FNTB: variants seen among roughly 807,000 people sequenced by gnomAD.
FNTB encodes farnesyltransferase, CAAX box, subunit beta.
Under a neutral mutation model 59.4 loss-of-function variants are expected in FNTB, and 27 were observed. The observed-to-expected ratio is 0.45, with a 90% CI of 0.34 to 0.63. The LOEUF is 0.63. Ranked by LOEUF, FNTB falls within the 20% of genes least tolerant of loss-of-function variation. The pLI is 0.02. For missense variants in FNTB, 449 were observed against 559.6 expected (o/e 0.80, Z 1.99); for synonymous variants, 230 against 220.7 (o/e 1.04, Z -0.37).
rs559326025 is a variant in FNTB at position 65,009,361 on chromosome 14, C to T, written c.210-2956C>T. Among the ~76,000 whole-genome samples the T allele has an allele frequency of 6.6e-6, 1 of 151,310 alleles. No homozygotes were observed. The highest frequency in any genetic ancestry group is 1.9e-4 in the East Asian group (1 of 5,180). On this transcript the variant is annotated intron_variant, in intron 2 of 11. Transcript: ENST00000246166. The surrounding 1 kb of genome is among the most constrained non-coding windows in gnomAD (Gnocchi z 4.2). ...ATTTCACTGGCGCTTCACTAACTGCCTTATAATCCTTTTATTCGTCTCATG... is the reference window on the plus strand; with the variant it reads ...ATTTCACTGGCGCTTCACTAACTGCTTTATAATCCTTTTATTCGTCTCATG...
At position 65,032,544 on chromosome 14, in the gene FNTB, G is replaced by C; in HGVS notation, c.606-66G>C. 1 of 1,579,116 alleles carries C rather than the reference G, an allele frequency of 6.3e-7. No homozygotes were observed. The highest frequency in any genetic ancestry group is 1.4e-5 in the African/African-American group (1 of 73,990). ...TAGGCAAGGCGAGCAGTCCGCCCGC[G>C]GAGTTCACTGAGCCTCATTAGCTCT... On this transcript the variant is annotated intron_variant, in intron 6 of 11. Transcript: ENST00000246166. The surrounding 1 kb of genome is among the most constrained non-coding windows in gnomAD (Gnocchi z 5.0).
chr14:65,046,920 A>G (rs1240342878), intron 9 of FNTB, among the ~76,000 whole-genome samples: 1 of 152,208 alleles, frequency 6.6e-6, no homozygotes, highest in African/African-American at 2.4e-5. Flanking sequence ...AGACAACAAA[A>G]GTTATTTTAC....
At chr14:65,051,507 AGG>A (rs2062609417) in intron 9 of FNTB, among the ~76,000 whole-genome samples, 1 of 151,848 alleles carries the variant, frequency 6.6e-6, no homozygotes. Flanking sequence ...GCTACTCGGG[AGG>A]CTGAGGCAGG....
chr14:65,056,133 T>G (rs2062731836), intron 11 of FNTB, among the ~76,000 whole-genome samples: 1 of 152,266 alleles, frequency 6.6e-6, no homozygotes, highest in Non-Finnish European at 1.5e-5. Flanking sequence ...GTTGCTTGCA[T>G]GTTTTCAAAC....
chr14:65,042,360 T>C (rs1026665546), intron 8 of FNTB, among the ~76,000 whole-genome samples: 3 of 152,120 alleles, frequency 2.0e-5, no homozygotes, highest in Admixed American at 6.6e-5. Flanking sequence ...ACAGTCCCAT[T>C]TGGGGGTGAT....
At chr14:64,989,819 G>A (rs887430806) in intron 1 of FNTB, among the ~76,000 whole-genome samples, 1 of 152,196 alleles carries the variant, frequency 6.6e-6, no homozygotes, top group Non-Finnish European at 1.5e-5. Flanking sequence ...GGCCAATGAG[G>A]CAGTCAATTA....
intron 7 of FNTB, among the ~76,000 whole-genome samples, chr14:65,034,846 G>A (rs979490508): frequency 6.6e-6 from 1 of 152,184 alleles, no homozygotes; most frequent in Non-Finnish European, 1.5e-5. Context: ...GTTGTGTTGT[G>A]TCCTAGACAT....
chr14:65,011,688 A>C lies in FNTB; in HGVS notation c.210-629A>C, dbSNP rs534531016. ...CTTTGCCCGGCCTGTGCAGGTGGCC[A>C]TGGGCGGCACATTCCATCTTAAAGC... On this transcript the variant is annotated intron_variant, in intron 2 of 11. Transcript: ENST00000246166. The surrounding 1 kb of genome is among the most constrained non-coding windows in gnomAD (Gnocchi z 4.0). Among the ~76,000 whole-genome samples the C allele has an allele frequency of 2.4e-4, 36 of 152,358 alleles. No homozygotes were observed. Among genetic ancestry groups the C allele is most frequent in the African/African-American group, 8.7e-4 (36 of 41,590 alleles).
Position 65,031,963 on chromosome 14 carries a change from C to T in FNTB, c.606-647C>T, listed in dbSNP as rs2062093609. Among the ~76,000 whole-genome samples the T allele has an allele frequency of 1.4e-5, 2 of 146,754 alleles. No individual in the cohort carries two copies. The highest frequency in any genetic ancestry group is 6.8e-5 in the Admixed American group (1 of 14,738). Reference sequence around the variant, plus strand: ...AAGCAAAACAAAAAATATAGACGTGCGCCTTTTTCATTTAACGTGTGTGTG... The same window carrying T: ...AAGCAAAACAAAAAATATAGACGTGTGCCTTTTTCATTTAACGTGTGTGTG... On this transcript the variant is annotated intron_variant, in intron 6 of 11. Coordinates refer to ENST00000246166, the MANE Select transcript of FNTB (RefSeq NM_002028.4). The surrounding 1 kb of genome is among the most constrained non-coding windows in gnomAD (Gnocchi z 4.6).
rs2062100893 is a variant in FNTB at position 65,032,176 on chromosome 14, T to C, written c.606-434T>C. Among the ~76,000 whole-genome samples the C allele has an allele frequency of 6.6e-6, 1 of 152,158 alleles. No homozygotes were observed. The highest frequency in any genetic ancestry group is 2.4e-5 in the African/African-American group (1 of 41,434). Reference sequence around the variant, plus strand: ...TTGCAGAAAAAGTATAGTTAATCTTTAATGTGTCAAGGCTGTAAACAGAAA... The same window carrying C: ...TTGCAGAAAAAGTATAGTTAATCTTCAATGTGTCAAGGCTGTAAACAGAAA... On this transcript the variant is annotated intron_variant, in intron 6 of 11. Transcript: ENST00000246166. This position sits in a 1 kb window ranked among gnomAD's most constrained non-coding sequence, Gnocchi z 5.0.
At position 65,004,260 on chromosome 14, in the gene FNTB, A is replaced by G; in HGVS notation, c.156A>G (p.Glu52=). The G allele has an allele frequency of 2.5e-6, 4 of 1,613,762 alleles. No individual in the cohort carries two copies. Among genetic ancestry groups the G allele is most frequent in the Non-Finnish European group, 3.4e-6 (4 of 1,179,766 alleles). Residue 52 remains glutamate, a synonymous_variant, in exon 2 of 12, where the codon GAA becomes GAG. Transcript: ENST00000246166. ...TGCATCCTTACCAGGCAAAAGTAGA[A>G]GAAAAGATCCAAGAGGTCTTCAGTT... The part of the protein sequence containing the change: ...TVTSIEQAKV[E]EKIQEVFSSY...
chr14:65,008,396 T>C (rs1595006912), intron 2 of FNTB, among the ~76,000 whole-genome samples: 1 of 152,376 alleles, frequency 6.6e-6, no homozygotes, highest in East Asian at 1.9e-4. Flanking sequence ...GACACTCTGC[T>C]GGGCTCAGGG....
chr14:65,038,754 A>T (rs2062273996), intron 7 of FNTB, among the ~76,000 whole-genome samples: 1 of 152,186 alleles, frequency 6.6e-6, no homozygotes. Context: ...ATTTCATTGC[A>T]TGGTTCGTTT....
rs1478594684 is a variant in FNTB at position 65,027,462 on chromosome 14, G to A, written c.384G>A (p.Gln128=). ...TTGGCTGTGTACCTAGTGTGTGTCA[G>A]TTCCTGGAGCTGTGTCAGAGCCCAG... The part of the protein sequence containing the change: ...IPQIVATDVC[Q]FLELCQSPEG... The change falls in exon 5 of 12, where the codon CAG becomes CAA. Residue 128 remains glutamine, a synonymous_variant. Transcript: ENST00000246166. This position sits in a 1 kb window ranked among gnomAD's most constrained non-coding sequence, Gnocchi z 5.7. The A allele has an allele frequency of 6.2e-7, 1 of 1,614,194 alleles. No homozygotes were observed. Among genetic ancestry groups the A allele is most frequent in the East Asian group, 2.2e-5 (1 of 44,888 alleles).
intron 9 of FNTB, among the ~76,000 whole-genome samples, chr14:65,052,672 G>A (rs1343423199): frequency 6.6e-6 from 1 of 152,194 alleles, no homozygotes; most frequent in African/African-American, 2.4e-5. Flanking sequence ...ATATGATGCA[G>A]GAGGGCAGTT....
rs998048958 is a variant in FNTB, at chr14:65,062,400, C to G, written c.*1088C>G. Reference sequence around the variant, plus strand: ...GCAGCGTGGGGTGCCGCCCAGCGTGCTGGGTCCTGGCAGTGCCTCTGCTGT... The same window carrying G: ...GCAGCGTGGGGTGCCGCCCAGCGTGGTGGGTCCTGGCAGTGCCTCTGCTGT... On this transcript the variant is annotated 3_prime_UTR_variant, in exon 12 of 12. Coordinates refer to ENST00000246166, the MANE Select transcript of FNTB (RefSeq NM_002028.4). The surrounding 1 kb of genome is among the most constrained non-coding windows in gnomAD (Gnocchi z 4.3). 6.6e-6 allele frequency: 1 copy of G among 152,640 alleles called. No individual in the cohort carries two copies. The highest frequency in any genetic ancestry group is 1.5e-5 in the Non-Finnish European group (1 of 68,110). 9.5% of individuals were successfully genotyped at this position (152,640 alleles called of 1,614,324 possible).
At chr14:65,018,905 G>GT (rs1466943973) in intron 4 of FNTB, among the ~76,000 whole-genome samples, 1 of 151,962 alleles carries the variant, frequency 6.6e-6, no homozygotes, top group Non-Finnish European at 1.5e-5. Context: ...GAGGTCGGGA[G>GT]TTTGAGACCA....
At position 65,061,299 on chromosome 14, in the gene FNTB, C is replaced by T; in HGVS notation, c.1301C>T (p.Pro434Leu). 1.2e-6 allele frequency: 2 copies of T among 1,613,910 alleles called. No homozygotes were observed. The highest frequency in any genetic ancestry group is 2.2e-5 in the South Asian group (2 of 91,074). ...EELKDETSAEPATD is the reference protein window; with the variant it reads ...EELKDETSAELATD ...CTTAAGGATGAGACATCGGCAGAGC[C>T]TGCAACCGACTAGAGGACCTGGGTC... The change falls in exon 12 of 12, where the codon CCT becomes CTT. Residue 434 changes from proline to leucine, a missense_variant. This residue lies in a region of FNTB where 337 missense variants were observed against 479.1 expected (regional missense o/e 0.70). Transcript: ENST00000246166.
At position 65,009,174 on chromosome 14, in the gene FNTB, C is replaced by A. The variant is rs1009178387; in HGVS notation, c.210-3143C>A. 1.3e-5 allele frequency among the ~76,000 whole-genome samples: 2 copies of A among 152,136 alleles called. No individual in the cohort carries two copies. The highest frequency in any genetic ancestry group is 4.8e-5 in the African/African-American group (2 of 41,414). On this transcript the variant is annotated intron_variant, in intron 2 of 11. Coordinates refer to ENST00000246166, the MANE Select transcript of FNTB (RefSeq NM_002028.4). The surrounding 1 kb of genome is among the most constrained non-coding windows in gnomAD (Gnocchi z 4.2). The stretch of plus-strand genomic sequence containing the variant: ...ATGAAGGACCGGTGAGGGTATTAGT[C>A]AGCTTGGGCTGCCATAAGACGGTAT...
Sources: gnomAD v4.1 joint callset for allele counts (sites outside exome capture counted in the v4.1 genomes callset) on GRCh38, gnomAD v4.1.1 for gene constraint, gnomAD v4.1.1 regional missense constraint, Gnocchi (gnomAD v3.1) non-coding constraint, MANE v1.5 for transcripts, NCBI Gene and HGNC (gene_info 2026-07-23, HGNC 2026-07-21) for gene names.